Variants in CHST12 observed in about 807,000 individuals in gnomAD.
CHST12 encodes carbohydrate sulfotransferase 12.
CHST12 carries 23 observed loss-of-function variants against 27.9 expected under a neutral mutation model. That is an observed-to-expected ratio of 0.82 (90% confidence interval 0.59 to 1.17). CHST12 has a LOEUF of 1.17. Ranked by LOEUF, CHST12 falls within the 50% of genes most tolerant of loss-of-function variation. The pLI, the probability that CHST12 is intolerant of heterozygous loss-of-function variation, is 0.00. For synonymous variants in CHST12, 322 were observed against 273.0 expected (o/e 1.18, Z -1.77); for missense variants, 682 against 603.0 (o/e 1.13, Z -1.37).
In CHST12 at chr7:2,433,167, C is replaced by T. The variant is rs751056481; in HGVS notation, c.528C>T (p.Thr176=). ...GCTACGTGCCCAAGGTGGCCTGCAC[C>T]AACTGGAAGCGCGTGATGATCGTGC... ...IYCYVPKVAC[T]NWKRVMIVLS... is the part of the protein sequence containing the mutation. Residue 176 remains threonine (T), a synonymous_variant, in exon 2 of 2, where the codon ACC becomes ACT. Coordinates refer to ENST00000618655, the MANE Select transcript of CHST12 (RefSeq NM_018641.5). The surrounding 1 kb of genome is among the most constrained non-coding windows in gnomAD (Gnocchi z 6.1). 2 of 1,613,086 alleles carry T rather than the reference C, an allele frequency of 1.2e-6. No homozygotes were observed. Among genetic ancestry groups the T allele is most frequent in the South Asian group, 2.2e-5 (2 of 91,060 alleles).
intron 1 of CHST12, among the ~76,000 whole-genome samples, chr7:2,430,581 G>A (rs918761171): frequency 6.6e-6 from 1 of 151,996 alleles, no homozygotes; most frequent in Non-Finnish European, 1.5e-5. Flanking sequence ...GCCTCCCAAA[G>A]TGCTGGGATT....
intron 1 of CHST12, among the ~76,000 whole-genome samples, chr7:2,421,394 C>T (rs946007842): frequency 6.6e-6 from 1 of 151,082 alleles, no homozygotes; most frequent in Non-Finnish European, 1.5e-5. Context: ...TACAGGCACA[C>T]ACTACCATGC....
chr7:2,403,682 C>CGCGGCGG lies in CHST12; in HGVS notation c.-78+19_-78+25dup, dbSNP rs989993383. 4.0e-5 allele frequency: 6 copies of CGCGGCGG among 148,664 alleles called. No individual in the cohort carries two copies. The highest frequency in any genetic ancestry group is 1.8e-4 in the South Asian group (1 of 5,438). 9.2% of individuals were successfully genotyped at this position (148,664 alleles called of 1,614,324 possible). On this transcript the variant is annotated intron_variant, in intron 1 of 1. Transcript: ENST00000618655. Reference sequence around the variant, plus strand: ...GAGGTGAGGGTCGCGAGGTGAGGGGCGCGGCGGGCGGCGGGCTCGGGGCGC... The same window carrying CGCGGCGG: ...GAGGTGAGGGTCGCGAGGTGAGGGGCGCGGCGGGCGGCGGGCGGCGGGCTCGGGGCGC...
At position 2,433,888 on chromosome 7, in the gene CHST12, C is replaced by G. The variant is rs750792963; in HGVS notation, c.*4C>G. On this transcript the variant is annotated 3_prime_UTR_variant, in exon 2 of 2. Coordinates refer to ENST00000618655, the MANE Select transcript of CHST12 (RefSeq NM_018641.5). This position sits in a 1 kb window ranked among gnomAD's most constrained non-coding sequence, Gnocchi z 6.1. Reference sequence around the variant, plus strand: ...CGAAAACCTCCTCCGAGACTGAAAGCTTTCGCGTTGCTTTTTCTCGCGTGC... The same window carrying G: ...CGAAAACCTCCTCCGAGACTGAAAGGTTTCGCGTTGCTTTTTCTCGCGTGC... 24 of 1,553,972 alleles carry G rather than the reference C, an allele frequency of 1.5e-5. No homozygotes were observed. The highest frequency in any genetic ancestry group is 2.0e-5 in the Non-Finnish European group (23 of 1,147,616).
rs573314243 is a variant in CHST12, at chr7:2,426,713, C to T, written c.-77-5850C>T. Among the ~76,000 whole-genome samples, 283 of 151,826 alleles carry T rather than the reference C, an allele frequency of 1.9e-3. 1 individual carries two copies. The highest frequency in any genetic ancestry group is 3.2e-3 in the Non-Finnish European group (220 of 67,934). ...AGAGTGACAGGAGAGACATACAGTCCGGGTGTGGTGGCTTATGCCTGTAAT... is the reference window on the plus strand; with the variant it reads ...AGAGTGACAGGAGAGACATACAGTCTGGGTGTGGTGGCTTATGCCTGTAAT... On this transcript the variant is annotated intron_variant, in intron 1 of 1. Transcript: ENST00000618655.
At position 2,433,502 on chromosome 7, in the gene CHST12, C is replaced by A. The variant is rs377228845; in HGVS notation, c.863C>A (p.Ala288Glu). 1 of 1,611,994 alleles carries A rather than the reference C, an allele frequency of 6.2e-7. No individual in the cohort carries two copies. The highest frequency in any genetic ancestry group is 8.5e-7 in the Non-Finnish European group (1 of 1,179,878). ...AACCACACCAGCCTGCCCGCCTCGG[C>A]GCGCGAGGCCTTCCGCGCTGGCCTC... Reference protein sequence around the residue: ...YANHTSLPASAREAFRAGLKV... With the variant: ...YANHTSLPASEREAFRAGLKV... Residue 288 changes from alanine to glutamate, a missense_variant, in exon 2 of 2, where the codon GCG (alanine) becomes GAG (glutamate). Physicochemically the swap from Ala to Glu is moderately radical, Grantham distance 107. Coordinates refer to ENST00000618655, the MANE Select transcript of CHST12 (RefSeq NM_018641.5). The surrounding 1 kb of genome is among the most constrained non-coding windows in gnomAD (Gnocchi z 6.1).
intron 1 of CHST12, among the ~76,000 whole-genome samples, chr7:2,418,365 G>A (rs893703566): frequency 4.6e-5 from 7 of 152,212 alleles, no homozygotes; most frequent in African/African-American, 1.4e-4. Flanking sequence ...CACCTCCACC[G>A]CTACAGTTTC....
rs1235349457 is a variant in CHST12 at position 2,447,922 on chromosome 7, A to C, written c.*14038A>C. 1 of 152,186 alleles carries C rather than the reference A, an allele frequency of 6.6e-6. No individual in the cohort carries two copies. Among genetic ancestry groups the C allele is most frequent in the Non-Finnish European group, 1.5e-5 (1 of 68,064 alleles). 9.4% of individuals were successfully genotyped at this position (152,186 alleles called of 1,614,324 possible). On this transcript the variant is annotated 3_prime_UTR_variant, in exon 2 of 2. Transcript: ENST00000618655. The stretch of plus-strand genomic sequence containing the variant: ...AGCCTCACTCTGTCGCCCAGGCAGG[A>C]GTGCAGTGGTGCGACCTCAGCTCTC...
Position 2,440,301 on chromosome 7 carries a change from G to A in CHST12, c.*6417G>A, listed in dbSNP as rs976683204. The A allele has an allele frequency of 6.5e-6, 1 of 154,562 alleles. No individual in the cohort carries two copies. Among genetic ancestry groups the A allele is most frequent in the African/African-American group, 2.4e-5 (1 of 41,516 alleles). 9.6% of individuals were successfully genotyped at this position (154,562 alleles called of 1,614,324 possible). On this transcript the variant is annotated 3_prime_UTR_variant, in exon 2 of 2. Coordinates refer to ENST00000618655, the MANE Select transcript of CHST12 (RefSeq NM_018641.5). ...GTGTTTTTTGCACTTATAGTTTGGG[G>A]GTTTGAAGTACTGGCTAGAAGCTGG...
rs139488025 is a variant in CHST12, at chr7:2,424,433, A to C, written c.-77-8130A>C. ...TTCAGCCTCATGAACTTTGAGGTTC[A>C]TTTAATGAGAATCTGTGAAGGGTCA... On this transcript the variant is annotated intron_variant, in intron 1 of 1. Coordinates refer to ENST00000618655, the MANE Select transcript of CHST12 (RefSeq NM_018641.5). Among the ~76,000 whole-genome samples, 208 of 152,058 alleles carry C rather than the reference A, an allele frequency of 1.4e-3. 1 individual carries two copies. Among genetic ancestry groups the C allele is most frequent in the African/African-American group, 4.5e-3 (188 of 41,542 alleles).
intron 1 of CHST12, among the ~76,000 whole-genome samples, chr7:2,408,197 C>G (rs1439027138): frequency 1.3e-5 from 2 of 151,728 alleles, no homozygotes; most frequent in Non-Finnish European, 2.9e-5. Flanking sequence ...TAGTGAAACC[C>G]TGGCTAATAC....
chr7:2,422,221 T>C (rs1781994149), intron 1 of CHST12, among the ~76,000 whole-genome samples: 1 of 152,094 alleles, frequency 6.6e-6, no homozygotes, highest in African/African-American at 2.4e-5. Context: ...CATGTTAACT[T>C]TTCCCCTTTG....
chr7:2,414,105 G>A (rs1297237655), intron 1 of CHST12, among the ~76,000 whole-genome samples: 2 of 151,788 alleles, frequency 1.3e-5, no homozygotes, highest in Non-Finnish European at 2.9e-5. Context: ...CTGACTATTT[G>A]TATCTCTTCT....
At chr7:2,404,511 C>G (rs1781470555) in intron 1 of CHST12, among the ~76,000 whole-genome samples, 1 of 152,260 alleles carries the variant, frequency 6.6e-6, no homozygotes, top group South Asian at 2.1e-4. Flanking sequence ...GGACGCAGTA[C>G]ATCTTCCAGG....
intron 1 of CHST12, among the ~76,000 whole-genome samples, chr7:2,426,536 C>T (rs530979157): frequency 1.1e-4 from 17 of 151,412 alleles, no homozygotes; most frequent in Non-Finnish European, 2.4e-4. Flanking sequence ...CTACTGATGA[C>T]GGGGCAGGGG....
intron 1 of CHST12, among the ~76,000 whole-genome samples, chr7:2,426,740 C>G (rs1782132352): frequency 6.7e-6 from 1 of 149,730 alleles, no homozygotes. Flanking sequence ...GCCTGTAATC[C>G]CAGCACTTTG....
rs1197829026 is a variant in CHST12, at chr7:2,446,717, G to C, written c.*12833G>C. 1 of 152,886 alleles carries C rather than the reference G, an allele frequency of 6.5e-6. No individual in the cohort carries two copies. Among genetic ancestry groups the C allele is most frequent in the Admixed American group, 6.5e-5 (1 of 15,280 alleles). The allele number at this position is 152,886 out of a possible 1,614,324, so 9.5% of individuals were successfully genotyped here. A position where few individuals can be genotyped will look rare whatever the true frequency, so the allele number is the denominator to read the frequency against. On this transcript the variant is annotated 3_prime_UTR_variant, in exon 2 of 2. Transcript: ENST00000618655. Reference sequence around the variant, plus strand: ...AGGAATCCCCCCACCAAGGGACAGAGTGCAAGGACATGATCGAACAGAAAA... The same window carrying C: ...AGGAATCCCCCCACCAAGGGACAGACTGCAAGGACATGATCGAACAGAAAA...
In CHST12 at chr7:2,440,404, AAT is replaced by A. The variant is rs1491110670; in HGVS notation, c.*6521_*6522del. On this transcript the variant is annotated 3_prime_UTR_variant, in exon 2 of 2. Transcript: ENST00000618655. ...GTGAGTCTGCACTTGTGTGCAAGAG[AAT>A]GTGTGTGTGTGTGTGTTTGGAGATT... 7.1e-3 allele frequency: 1,095 copies of A among 153,456 alleles called. 12 individuals carry two copies. Among genetic ancestry groups the A allele is most frequent in the African/African-American group, 0.025 (1,015 of 41,398 alleles). 9.5% of individuals were successfully genotyped at this position (153,456 alleles called of 1,614,324 possible).
chr7:2,434,115 C>A lies in CHST12; in HGVS notation c.*231C>A. ...CCCCTCTCCCCTCCGCCCGCCCACCCGCCCGCCCGCTCGCCCGCTCGCCCG... is the reference window on the plus strand; with the variant it reads ...CCCCTCTCCCCTCCGCCCGCCCACCAGCCCGCCCGCTCGCCCGCTCGCCCG... On this transcript the variant is annotated 3_prime_UTR_variant, in exon 2 of 2. Coordinates refer to ENST00000618655, the MANE Select transcript of CHST12 (RefSeq NM_018641.5). The A allele has an allele frequency of 5.3e-6, 2 of 378,412 alleles. No individual in the cohort carries two copies. The highest frequency in any genetic ancestry group is 5.7e-5 in the South Asian group (1 of 17,578). The allele number at this position is 378,412 out of a possible 1,614,324, so 23.4% of individuals were successfully genotyped here.
Sources: allele counts gnomAD v4.1 joint callset (sites outside exome capture counted in the v4.1 genomes callset), GRCh38; gene constraint gnomAD v4.1.1; non-coding constraint Gnocchi (gnomAD v3.1); transcripts MANE v1.5; gene names NCBI Gene and HGNC (gene_info 2026-07-23, HGNC 2026-07-21).